Variants in PCDH9 observed in about 807,000 individuals in gnomAD.
PCDH9 encodes protocadherin-9.
PCDH9 carries 24 observed loss-of-function variants against 70.6 expected under a neutral mutation model. The observed-to-expected ratio is 0.34, with a 90% CI of 0.25 to 0.48. The LOEUF (loss-of-function observed/expected upper bound fraction) is 0.48. Ranked by LOEUF, PCDH9 falls within the 20% of genes least tolerant of loss-of-function variation. The pLI is 0.99. For synonymous variants in PCDH9, 562 were observed against 558.5 expected (o/e 1.01, Z -0.09); for missense variants, 1,281 against 1,503.6 (o/e 0.85, Z 2.45).
At chr13:66,989,010 C>T (rs1215190189) in intron 2 of PCDH9, among the ~76,000 whole-genome samples, 1 of 151,878 alleles carries the variant, frequency 6.6e-6, no homozygotes. Context: ...TACTCACATG[C>T]AGCAAACTTG....
intron 4 of PCDH9, among the ~76,000 whole-genome samples, chr13:66,554,551 A>T (rs1309382409): frequency 6.6e-6 from 1 of 152,110 alleles, no homozygotes; most frequent in Non-Finnish European, 1.5e-5. Flanking sequence ...GTAAACTAAT[A>T]ATTATATGTA....
chr13:67,203,358 ACT>A (rs1224218081), intron 2 of PCDH9: 3 of 151,960 alleles, frequency 2.0e-5, no homozygotes, highest in Non-Finnish European at 4.4e-5. Context: ...ATATAAAAAA[ACT>A]CTTTTACAAT....
intron 4 of PCDH9, among the ~76,000 whole-genome samples, chr13:66,315,069 G>A (rs1235565381): frequency 6.6e-6 from 1 of 152,174 alleles, no homozygotes; most frequent in African/African-American, 2.4e-5. Flanking sequence ...TGGCTTTGAA[G>A]ACAAAGGGAC....
intron 2 of PCDH9, among the ~76,000 whole-genome samples, chr13:67,171,103 T>G (rs2088273049): frequency 6.6e-6 from 1 of 152,154 alleles, no homozygotes; most frequent in African/African-American, 2.4e-5. Context: ...CATACCGAAA[T>G]CCATTTACCA....
intron 4 of PCDH9, among the ~76,000 whole-genome samples, chr13:66,596,794 T>G (rs1307576491): frequency 6.7e-6 from 1 of 148,930 alleles, no homozygotes; most frequent in Non-Finnish European, 1.5e-5. Context: ...TTTTCCCCAA[T>G]TAACCTCTTT....
chr13:66,875,578 C>T (rs886911015), intron 3 of PCDH9, among the ~76,000 whole-genome samples: 1 of 152,132 alleles, frequency 6.6e-6, no homozygotes, highest in Non-Finnish European at 1.5e-5. Context: ...ATTCCAATGT[C>T]TATTTCAGTG....
intron 2 of PCDH9, among the ~76,000 whole-genome samples, chr13:67,091,717 T>C (rs2138212726): frequency 6.6e-6 from 1 of 152,298 alleles, no homozygotes; most frequent in Middle Eastern, 3.4e-3. Context: ...AAAATGTATG[T>C]AAAAATTAGC....
intron 4 of PCDH9, among the ~76,000 whole-genome samples, chr13:66,476,685 T>C (rs983540738): frequency 6.6e-6 from 1 of 151,942 alleles, no homozygotes. Flanking sequence ...GCAAACTAGA[T>C]GCCTGTCTCT....
At chr13:66,390,719 A>G (rs1957003214) in intron 4 of PCDH9, among the ~76,000 whole-genome samples, 1 of 143,822 alleles carries the variant, frequency 7.0e-6, no homozygotes, top group South Asian at 2.4e-4. Flanking sequence ...TTGGTGACAG[A>G]GATGGAGTCA....
intron 2 of PCDH9, chr13:67,203,688 T>C (rs565783336): frequency 2.0e-5 from 3 of 152,180 alleles, no homozygotes; most frequent in Admixed American, 2.0e-4. Context: ...CCTCTTCCAA[T>C]GAATAGATAT....
intron 4 of PCDH9, among the ~76,000 whole-genome samples, chr13:66,413,630 G>A (rs1263320213): frequency 6.6e-6 from 1 of 151,868 alleles, no homozygotes; most frequent in African/African-American, 2.4e-5. Flanking sequence ...AGCTTGCAGT[G>A]AGCCAAGATG....
intron 2 of PCDH9, among the ~76,000 whole-genome samples, chr13:67,007,178 C>T (rs1203517639): frequency 1.3e-5 from 2 of 151,926 alleles, no homozygotes; most frequent in East Asian, 1.9e-4. Context: ...ACTTCCAAAA[C>T]ACCAGTGTTT....
chr13:67,202,246 A>G (rs2089232021), intron 2 of PCDH9: 1 of 152,092 alleles, frequency 6.6e-6, no homozygotes, highest in Non-Finnish European at 1.5e-5. Context: ...TTGCACTTAA[A>G]TAATGAGCAA....
At chr13:66,797,617 T>C (rs1004459827) in intron 3 of PCDH9, among the ~76,000 whole-genome samples, 5 of 152,192 alleles carry the variant, frequency 3.3e-5, no homozygotes, top group African/African-American at 1.2e-4. Flanking sequence ...AAAACACATG[T>C]GATACTTTCT....
intron 4 of PCDH9, among the ~76,000 whole-genome samples, chr13:66,582,289 T>C (rs2076903266): frequency 6.6e-6 from 1 of 152,132 alleles, no homozygotes; most frequent in African/African-American, 2.4e-5. Context: ...TGTTAAGTCA[T>C]TTAAGCAATT....
chr13:66,642,609 G>A (rs1422469782), intron 3 of PCDH9, among the ~76,000 whole-genome samples: 3 of 151,900 alleles, frequency 2.0e-5, no homozygotes, highest in East Asian at 1.9e-4. Context: ...ATACGACACA[G>A]CCTCAAGGTG....
chr13:66,799,947 T>TGGGG (rs1684999660), intron 3 of PCDH9, among the ~76,000 whole-genome samples: 1 of 152,156 alleles, frequency 6.6e-6, no homozygotes, highest in South Asian at 2.1e-4. Flanking sequence ...GTCAACTGGA[T>TGGGG]GGGGACAGGA....
chr13:67,043,108 A>G (rs1318746373), intron 2 of PCDH9, among the ~76,000 whole-genome samples: 10 of 152,190 alleles, frequency 6.6e-5, no homozygotes, highest in Admixed American at 6.5e-4. Context: ...GCAAAAGAAA[A>G]AATGTCTTAG....
chr13:67,170,860 G>A lies in PCDH9; in HGVS notation c.3036+54545C>T, dbSNP rs922396263. Among the ~76,000 whole-genome samples, 3 of 152,122 alleles carry A rather than the reference G, an allele frequency of 2.0e-5. No individual in the cohort carries two copies. In the East Asian group the frequency reaches 5.8e-4, roughly 29 times the overall value. On this transcript the variant is annotated intron_variant, in intron 2 of 4. Transcript: ENST00000377865. ...GAATCACTTGAACCCAGGAGGTGGA[G>A]GTTGCCGTGAGCCAAGATTGCGCCA...
Sources: gnomAD v4.1 joint callset for allele counts (sites outside exome capture counted in the v4.1 genomes callset) on GRCh38, gnomAD v4.1.1 for gene constraint, MANE v1.5 for transcripts, NCBI Gene and HGNC (gene_info 2026-07-23, HGNC 2026-07-21) for gene names.